Variants in NRXN3 observed in about 807,000 individuals in gnomAD.
The protein encoded by NRXN3 is neurexin III.
In NRXN3, 32 loss-of-function variants were observed where a neutral mutation model predicts 137.6. The ratio of observed to expected loss-of-function variants is 0.23; its 90% CI spans 0.18 to 0.31. The LOEUF (loss-of-function observed/expected upper bound fraction) is 0.31. Among genes scored for constraint, NRXN3 ranks in the 10% least tolerant of loss-of-function variants. The pLI, the probability that NRXN3 is intolerant of heterozygous loss-of-function variation, is 1.00. For synonymous variants in NRXN3, 798 were observed against 784.5 expected (o/e 1.02, Z -0.29); for missense variants, 1,574 against 2,062.5 (o/e 0.76, Z 4.59).
chr14:79,001,109 C>G (rs1202282135), intron 15 of NRXN3, among the ~76,000 whole-genome samples: 1 of 152,104 alleles, frequency 6.6e-6, no homozygotes, highest in Non-Finnish European at 1.5e-5. Flanking sequence ...CATCTCTTGT[C>G]ACATGGAATC....
At chr14:79,228,578 G>T (rs909451681) in intron 15 of NRXN3, among the ~76,000 whole-genome samples, 1 of 152,102 alleles carries the variant, frequency 6.6e-6, no homozygotes, top group Non-Finnish European at 1.5e-5. Flanking sequence ...CAATTGGTAG[G>T]TAAAGATAAT....
chr14:79,842,133 T>C (rs566437833), intron 20 of NRXN3, among the ~76,000 whole-genome samples: 1 of 152,342 alleles, frequency 6.6e-6, no homozygotes, highest in African/African-American at 2.4e-5. Context: ...GTTATTACTA[T>C]GTGCCTGGCG....
rs767801341 is a variant in NRXN3, at chr14:78,966,145, T to C, written c.2516T>C (p.Met839Thr). Residue 839 changes from methionine (M) to threonine (T), a missense_variant, in exon 12 of 21, where the codon ATG becomes ACG. Transcript: ENST00000335750. ...SSFIGHLQSLMFNGLLYIDLC... is the reference protein window; with the variant it reads ...SSFIGHLQSLTFNGLLYIDLC... Reference sequence around the variant, plus strand: ...TTTATTGGCCATCTGCAGAGCCTCATGTTTAATGGCCTTCTCTACATTGAC... The same window carrying C: ...TTTATTGGCCATCTGCAGAGCCTCACGTTTAATGGCCTTCTCTACATTGAC... 1 of 1,614,196 alleles carries C rather than the reference T, an allele frequency of 6.2e-7. No individual in the cohort carries two copies. The highest frequency in any genetic ancestry group is 1.1e-5 in the South Asian group (1 of 91,078).
intron 17 of NRXN3, among the ~76,000 whole-genome samples, chr14:79,676,309 C>T (rs745793743): frequency 1.3e-5 from 2 of 150,506 alleles, no homozygotes; most frequent in Non-Finnish European, 2.9e-5. Context: ...TGCCTAAAAC[C>T]ATGTAGTATT....
chr14:79,560,504 C>CTTGTTTTTT (rs2097482002), intron 16 of NRXN3, among the ~76,000 whole-genome samples: 1 of 43,770 alleles, frequency 2.3e-5, no homozygotes, highest in Non-Finnish European at 4.0e-5. Flanking sequence ...AGATTGTAAG[C>CTTGTTTTTT]TTTTTTTTTT....
At chr14:78,520,828 G>A (rs553726415) in intron 4 of NRXN3, among the ~76,000 whole-genome samples, 8 of 152,292 alleles carry the variant, frequency 5.3e-5, no homozygotes, top group Admixed American at 2.6e-4. Context: ...AGAACACTGC[G>A]AATTAGCACA....
intron 19 of NRXN3, among the ~76,000 whole-genome samples, chr14:79,773,634 G>C (rs1206088864): frequency 8.8e-6 from 1 of 113,236 alleles, no homozygotes. Context: ...GTTTTGGGGT[G>C]GGGGGAGGGG....
chr14:78,967,150 G>A (rs1007174968), intron 12 of NRXN3, 58 bp from the exon 13 acceptor site: 16 of 1,468,950 alleles, frequency 1.1e-5, no homozygotes, highest in Admixed American at 2.0e-5. Context: ...CACACATATA[G>A]CCATTAAACC....
intron 10 of NRXN3, among the ~76,000 whole-genome samples, chr14:78,922,938 C>G (rs991009970): frequency 3.3e-5 from 5 of 152,198 alleles, no homozygotes; most frequent in Non-Finnish European, 7.3e-5. Context: ...GTCACAGCAG[C>G]ATTTTTTCCC....
chr14:79,107,271 AGT>A (rs1409919460), intron 15 of NRXN3, among the ~76,000 whole-genome samples: 1 of 152,132 alleles, frequency 6.6e-6, no homozygotes, highest in African/African-American at 2.4e-5. Context: ...TAAAGCCAGT[AGT>A]GTGGTCTTCT....
chr14:78,361,415 A>G (rs1309284888), intron 4 of NRXN3, among the ~76,000 whole-genome samples: 2 of 152,224 alleles, frequency 1.3e-5, no homozygotes, highest in Admixed American at 1.3e-4. Context: ...CAACTTGCTT[A>G]GATAAAGTGG....
intron 15 of NRXN3, among the ~76,000 whole-genome samples, chr14:79,135,514 C>T (rs572314309): frequency 5.6e-4 from 86 of 152,260 alleles, no homozygotes; most frequent in African/African-American, 1.8e-3. Flanking sequence ...AGGTAACTTT[C>T]AAGCTGACTT....
chr14:79,728,678 A>G (rs552610615), intron 19 of NRXN3, among the ~76,000 whole-genome samples: 8 of 152,228 alleles, frequency 5.3e-5, no homozygotes, highest in Non-Finnish European at 1.0e-4. Flanking sequence ...GAGAGGTGCC[A>G]TAATGATTTC....
At chr14:78,709,103 T>C in intron 6 of NRXN3, 114 bp from the exon 7 acceptor site, 1 of 865,866 alleles carries the variant, frequency 1.2e-6, no homozygotes, top group Non-Finnish European at 1.8e-6. Context: ...CATGTTGTTT[T>C]GGGCTATGTC....
At chr14:78,519,477 A>T (rs1278437372) in intron 4 of NRXN3, among the ~76,000 whole-genome samples, 1 of 152,188 alleles carries the variant, frequency 6.6e-6, no homozygotes, top group Non-Finnish European at 1.5e-5. Context: ...CATTATGTGT[A>T]ACTTAATACC....
At chr14:78,941,511 C>T (rs553435255) in intron 10 of NRXN3, among the ~76,000 whole-genome samples, 2 of 152,282 alleles carry the variant, frequency 1.3e-5, no homozygotes, top group East Asian at 1.9e-4. Context: ...TTCCGCAAAC[C>T]TTCACATCTG....
intron 8 of NRXN3, among the ~76,000 whole-genome samples, chr14:78,769,046 T>C (rs1411715776): frequency 6.6e-6 from 1 of 152,192 alleles, no homozygotes; most frequent in African/African-American, 2.4e-5. Context: ...TCTAATCACA[T>C]GGTTGGTTTC....
chr14:79,074,453 CAT>C (rs763927862), intron 15 of NRXN3: 5 of 152,174 alleles, frequency 3.3e-5, no homozygotes, highest in Non-Finnish European at 7.3e-5. Flanking sequence ...GGTCGGTAGT[CAT>C]CATGAGTACT....
chr14:78,635,773 A>AT (rs1327263656), intron 4 of NRXN3, among the ~76,000 whole-genome samples: 6 of 152,036 alleles, frequency 3.9e-5, no homozygotes, highest in South Asian at 2.1e-4. Flanking sequence ...ATATTGTACA[A>AT]TTTTTTTTGT....
Sources: gnomAD v4.1 joint callset for allele counts (sites outside exome capture counted in the v4.1 genomes callset) on GRCh38, gnomAD v4.1.1 for gene constraint, MANE v1.5 for transcripts, NCBI Gene and HGNC (gene_info 2026-07-23, HGNC 2026-07-21) for gene names.